Variants in MAP3K19 observed in about 807,000 individuals in gnomAD.
MAP3K19 encodes mitogen-activated protein kinase kinase kinase 19.
Under a neutral mutation model 114.4 loss-of-function variants are expected in MAP3K19, and 91 were observed. That is an observed-to-expected ratio of 0.80 (90% confidence interval 0.67 to 0.95). MAP3K19 has a LOEUF of 0.95. MAP3K19 is among the 40% of genes least tolerant of loss of function. The pLI is 0.00. For missense variants in MAP3K19, 1,471 were observed against 1,573.2 expected, an observed-to-expected ratio of 0.94 and a Z score of 1.10; for synonymous variants, 518 against 530.5, an observed-to-expected ratio of 0.98 and a Z score of 0.32.
Position 134,997,680 on chromosome 2 carries a change from G to A in MAP3K19, c.574+1058C>T, listed in dbSNP as rs892393857. Among the ~76,000 whole-genome samples, 9 of 152,034 alleles carry A rather than the reference G, an allele frequency of 5.9e-5. No homozygotes were observed. In the South Asian group the frequency reaches 8.3e-4, roughly 14 times the overall value. ...CTAAAAATACAAAAATTAGCTGGGC[G>A]TGGTGGCATGCGCCTGTAGTCCCAG... On this transcript the variant is annotated intron_variant, in intron 8 of 12. Coordinates refer to ENST00000392915, the MANE Select transcript of MAP3K19 (RefSeq NM_025052.5).
At chr2:134,980,748 A>C (rs1684571915) in intron 12 of MAP3K19, 73 bp downstream of exon 12, 2 of 1,390,228 alleles carry the variant, frequency 1.4e-6, no homozygotes, top group Non-Finnish European at 2.0e-6. Context: ...ATGGGCCATA[A>C]ATTGAAAGGG....
At chr2:135,034,672 G>C (rs1157648563) in intron 2 of MAP3K19, among the ~76,000 whole-genome samples, 2 of 141,006 alleles carry the variant, frequency 1.4e-5, no homozygotes, top group Admixed American at 7.2e-5. Context: ...GTCAGGCGTG[G>C]TGGCGCGCTA....
intron 12 of MAP3K19, among the ~76,000 whole-genome samples, chr2:134,967,594 A>AC (rs1559130914): frequency 1.8e-4 from 28 of 152,262 alleles, no homozygotes; most frequent in Non-Finnish European, 2.9e-4. Context: ...AATCTTGCTT[A>AC]GAGACACGTC....
intron 5 of MAP3K19, among the ~76,000 whole-genome samples, chr2:135,019,343 A>T (rs1018361095): frequency 2.1e-4 from 32 of 152,376 alleles, no homozygotes; most frequent in Middle Eastern, 6.8e-3. Flanking sequence ...TTTATGAAGC[A>T]TATACCTAGA....
chr2:135,002,818 G>T (rs1423144609), intron 6 of MAP3K19, among the ~76,000 whole-genome samples: 1 of 152,116 alleles, frequency 6.6e-6, no homozygotes, highest in Non-Finnish European at 1.5e-5. Flanking sequence ...ATGATTTGAG[G>T]GTCAGTAGCA....
chr2:134,970,600 T>TTC (rs1683799831), intron 12 of MAP3K19, among the ~76,000 whole-genome samples: 27 of 83,526 alleles, frequency 3.2e-4, no homozygotes, highest in East Asian at 1.5e-3. Context: ...AATGCCTTTT[T>TTC]TTTTTTTTTT....
In MAP3K19 at chr2:134,988,046, T is replaced by C. The variant is rs1685293124; in HGVS notation, c.826A>G (p.Thr276Ala). ...ATGAAGCCATCAGAAGACCTGAGAG[T>C]CGGATCCATCAACGACTTAACTAGG... ...GALVKSLMDP[T>A]LRSSDGFIWS... The change falls in exon 10 of 13, where the codon ACT (threonine) becomes GCT (alanine). Residue 276 changes from threonine (T) to alanine (A), a missense_variant. Physicochemically the swap from Thr to Ala is moderately conservative, Grantham distance 58 (BLOSUM62 0). Coordinates refer to ENST00000392915, the MANE Select transcript of MAP3K19 (RefSeq NM_025052.5). The C allele has an allele frequency of 1.2e-6, 2 of 1,613,624 alleles. No homozygotes were observed. Among genetic ancestry groups the C allele is most frequent in the Middle Eastern group, 1.7e-4 (1 of 6,058 alleles).
Position 134,988,131 on chromosome 2 carries a change from C to A in MAP3K19, c.741G>T (p.Lys247Asn). 6.2e-7 allele frequency: 1 copy of A among 1,613,966 alleles called. No homozygotes were observed. Among genetic ancestry groups the A allele is most frequent in the Non-Finnish European group, 8.5e-7 (1 of 1,179,990 alleles). ...NIPSLTSFVPKLSVSVRQSDE... is the reference protein window; with the variant it reads ...NIPSLTSFVPNLSVSVRQSDE... ...CAGATTGACGAACAGACACTGAGAG[C>A]TTAGGCACAAAAGATGTGAGACTTG... Residue 247 changes from lysine (K) to asparagine (N), a missense_variant, in exon 10 of 13, where the codon AAG (lysine) becomes AAT (asparagine). Coordinates refer to ENST00000392915, the MANE Select transcript of MAP3K19 (RefSeq NM_025052.5).
At chr2:135,026,615 CAT>C (rs1304035924) in intron 3 of MAP3K19, among the ~76,000 whole-genome samples, 1 of 151,972 alleles carries the variant, frequency 6.6e-6, no homozygotes, top group East Asian at 1.9e-4. Flanking sequence ...GCAATTGTAA[CAT>C]AAGAGATTGC....
chr2:135,040,757 G>A (rs1200672488), intron 1 of MAP3K19, among the ~76,000 whole-genome samples: 1 of 152,178 alleles, frequency 6.6e-6, no homozygotes, highest in Non-Finnish European at 1.5e-5. Context: ...GCTGAATTAG[G>A]AAGAATAATA....
chr2:135,029,885 C>T (rs1688340612), intron 3 of MAP3K19, among the ~76,000 whole-genome samples: 1 of 152,174 alleles, frequency 6.6e-6, no homozygotes, highest in Non-Finnish European at 1.5e-5. Flanking sequence ...TTCATGACAA[C>T]TAAATATTAG....
At chr2:135,012,730 T>C (rs976940318) in intron 5 of MAP3K19, among the ~76,000 whole-genome samples, 5 of 152,222 alleles carry the variant, frequency 3.3e-5, no homozygotes, top group Non-Finnish European at 7.3e-5. Context: ...TGAGGCATCA[T>C]CTATTGACTT....
At chr2:134,966,658 G>GC (rs1273084062) in intron 12 of MAP3K19, among the ~76,000 whole-genome samples, 4 of 150,992 alleles carry the variant, frequency 2.6e-5, no homozygotes, top group Admixed American at 1.3e-4. Flanking sequence ...TGTGCCTTGA[G>GC]CCCCCCAGGC....
intron 6 of MAP3K19, among the ~76,000 whole-genome samples, chr2:135,000,331 C>T (rs972209259): frequency 2.0e-5 from 3 of 152,312 alleles, no homozygotes; most frequent in Non-Finnish European, 4.4e-5. Context: ...ACACCTATCT[C>T]CCAGAACTAT....
At chr2:134,969,168 C>T (rs942003749) in intron 12 of MAP3K19, among the ~76,000 whole-genome samples, 6 of 143,650 alleles carry the variant, frequency 4.2e-5, no homozygotes, top group African/African-American at 1.3e-4. Flanking sequence ...GCCAACACAG[C>T]GAAACCCCGT....
chr2:135,001,143 A>G (rs115477333), intron 6 of MAP3K19, among the ~76,000 whole-genome samples: 1,738 of 152,184 alleles, frequency 0.011, 26 homozygotes, highest in African/African-American at 0.039. Context: ...AAACACAGTA[A>G]AAAATTCCAA....
rs368474993 is a variant in MAP3K19, at chr2:134,968,185, C to T, written c.3921-3269G>A. ...GAGCACAGGGTTGGGGGTAAGGTCACAGATCAACAGCATCCCAAGGCAGAA... is the reference window on the plus strand; with the variant it reads ...GAGCACAGGGTTGGGGGTAAGGTCATAGATCAACAGCATCCCAAGGCAGAA... On this transcript the variant is annotated intron_variant, in intron 12 of 12. Transcript: ENST00000392915. Among the ~76,000 whole-genome samples the T allele has an allele frequency of 1.3e-3, 192 of 152,228 alleles. No homozygotes were observed. The East Asian group carries it at 0.025, about 20-fold the overall frequency.
intron 5 of MAP3K19, among the ~76,000 whole-genome samples, chr2:135,016,864 T>C (rs1343261114): frequency 6.6e-6 from 1 of 152,220 alleles, no homozygotes; most frequent in Non-Finnish European, 1.5e-5. Flanking sequence ...CATCAGTGCT[T>C]TAAAAGTTCA....
chr2:134,967,594 A>T (rs764747742), intron 12 of MAP3K19, among the ~76,000 whole-genome samples: 1 of 152,262 alleles, frequency 6.6e-6, no homozygotes, highest in Non-Finnish European at 1.5e-5. Flanking sequence ...AATCTTGCTT[A>T]GAGACACGTC....
Sources: gnomAD v4.1 joint callset for allele counts (sites outside exome capture counted in the v4.1 genomes callset) on GRCh38, gnomAD v4.1.1 for gene constraint, MANE v1.5 for transcripts, NCBI Gene and HGNC (gene_info 2026-07-23, HGNC 2026-07-21) for gene names.